CNTN4: variants seen among roughly 807,000 people sequenced by gnomAD.
CNTN4 encodes the protein contactin 4.
A neutral mutation model predicts 122.5 loss-of-function variants in CNTN4; 77 were observed. The ratio of observed to expected loss-of-function variants is 0.63; its 90% confidence interval spans 0.52 to 0.76. The LOEUF (loss-of-function observed/expected upper bound fraction) is 0.76, where lower values mean the gene tolerates loss of function less well. Among genes scored for constraint, CNTN4 ranks in the 30% least tolerant of loss-of-function variants. CNTN4 has a pLI of 0.00. For synonymous variants in CNTN4, 512 were observed against 447.0 expected (o/e 1.15, Z -1.83); for missense variants, 1,256 against 1,259.1 (o/e 1.00, Z 0.04).
Position 2,993,490 on chromosome 3 carries a change from G to C in CNTN4, c.1486+5018G>C, listed in dbSNP as rs978311204. Among the ~76,000 whole-genome samples, 11 of 151,696 alleles carry C rather than the reference G, an allele frequency of 7.3e-5. No homozygotes were observed. The East Asian group carries it at 2.1e-3, about 30-fold the overall frequency. ...TTTTTGTATTTTTTAGTAGAGACAG[G>C]GTTTCACCATGTTGGTCAAGGCTGG... On this transcript the variant is annotated intron_variant, in intron 14 of 24. Transcript: ENST00000418658.
chr3:2,621,724 A>G (rs918096411), intron 4 of CNTN4, among the ~76,000 whole-genome samples: 2 of 152,142 alleles, frequency 1.3e-5, no homozygotes, highest in Admixed American at 6.5e-5. Context: ...AACGAAATAC[A>G]ATGTATATGC....
chr3:2,526,715 A>G (rs2077409660), intron 3 of CNTN4, among the ~76,000 whole-genome samples: 1 of 152,140 alleles, frequency 6.6e-6, no homozygotes. Flanking sequence ...TAATATTTTG[A>G]TATAAAAATA....
intron 14 of CNTN4, among the ~76,000 whole-genome samples, chr3:3,017,620 C>A (rs147717689): frequency 6.6e-6 from 1 of 152,116 alleles, no homozygotes. Context: ...GGCCACCCCC[C>A]AAAAAGAGTC....
chr3:2,191,933 A>G (rs572706363), intron 2 of CNTN4, among the ~76,000 whole-genome samples: 7 of 151,442 alleles, frequency 4.6e-5, no homozygotes, highest in Admixed American at 2.0e-4. Flanking sequence ...CCTGTGTCCA[A>G]GTGTTCTCAT....
chr3:2,788,188 G>A (rs1214824669), intron 6 of CNTN4, among the ~76,000 whole-genome samples: 3 of 152,114 alleles, frequency 2.0e-5, no homozygotes, highest in Non-Finnish European at 4.4e-5. Context: ...CCATGTACCA[G>A]GCATAGTTCT....
At chr3:2,317,496 T>G (rs375170113) in intron 2 of CNTN4, among the ~76,000 whole-genome samples, 11 of 152,302 alleles carry the variant, frequency 7.2e-5, no homozygotes, top group African/African-American at 2.6e-4. Context: ...TTCCTGGATT[T>G]CGCGCTCCCT....
chr3:2,729,691 G>T (rs2088530740), intron 4 of CNTN4, among the ~76,000 whole-genome samples: 1 of 152,068 alleles, frequency 6.6e-6, no homozygotes, highest in African/African-American at 2.4e-5. Flanking sequence ...AAGGCAGGCG[G>T]ATCACAAGGT....
intron 3 of CNTN4, among the ~76,000 whole-genome samples, chr3:2,375,348 C>T (rs1452310318): frequency 1.3e-5 from 2 of 152,118 alleles, no homozygotes; most frequent in Non-Finnish European, 2.9e-5. Context: ...CCAACATTTC[C>T]CTCTCATTTC....
chr3:2,120,396 T>TAA (rs1559260985), intron 2 of CNTN4, among the ~76,000 whole-genome samples: 47 of 30,884 alleles, frequency 1.5e-3, no homozygotes, highest in Admixed American at 3.5e-3. Context: ...TATATATATA[T>TAA]ATATATATAT....
At chr3:2,607,616 A>ACACACACACACACACACACACG (rs2081314088) in intron 4 of CNTN4, among the ~76,000 whole-genome samples, 1 of 151,928 alleles carries the variant, frequency 6.6e-6, no homozygotes, top group African/African-American at 2.4e-5. Flanking sequence ...GCATCCACAC[A>ACACACACACACACACACACACG]CACACACACA....
chr3:2,298,636 A>C (rs959317828), intron 2 of CNTN4, among the ~76,000 whole-genome samples: 1 of 152,192 alleles, frequency 6.6e-6, no homozygotes, highest in Non-Finnish European at 1.5e-5. Context: ...CTAATGCCAC[A>C]TATGTGGAGG....
intron 2 of CNTN4, among the ~76,000 whole-genome samples, chr3:2,135,599 G>C (rs9829713): frequency 0.018 from 2,756 of 151,732 alleles, 103 homozygotes; most frequent in African/African-American, 0.063. Flanking sequence ...GTATTTCCGA[G>C]GCTGGTAATG....
At chr3:2,684,759 A>G (rs1029658625) in intron 4 of CNTN4, among the ~76,000 whole-genome samples, 1 of 152,200 alleles carries the variant, frequency 6.6e-6, no homozygotes, top group Non-Finnish European at 1.5e-5. Context: ...GTCTATGGTC[A>G]TATTTAAAAT....
intron 3 of CNTN4, among the ~76,000 whole-genome samples, chr3:2,503,270 A>G (rs2076643747): frequency 6.6e-6 from 1 of 152,172 alleles, no homozygotes; most frequent in South Asian, 2.1e-4. Context: ...GGATTGAGGG[A>G]TGCATAGATG....
chr3:2,440,422 G>T (rs1422935246), intron 3 of CNTN4, among the ~76,000 whole-genome samples: 1 of 152,126 alleles, frequency 6.6e-6, no homozygotes, highest in Non-Finnish European at 1.5e-5. Context: ...TTGTCATTGT[G>T]TGTCTTTGTT....
intron 2 of CNTN4, among the ~76,000 whole-genome samples, chr3:2,281,631 T>A (rs191362782): frequency 4.6e-5 from 7 of 152,230 alleles, no homozygotes; most frequent in Non-Finnish European, 1.0e-4. Context: ...CTTTTCCCAA[T>A]TCTTGACAAC....
intron 4 of CNTN4, among the ~76,000 whole-genome samples, chr3:2,721,914 T>C (rs775083379): frequency 6.6e-6 from 1 of 152,152 alleles, no homozygotes; most frequent in Non-Finnish European, 1.5e-5. Context: ...TTAGCACCCA[T>C]GTAAGAGAAG....
chr3:2,237,525 C>A (rs1231231426), intron 2 of CNTN4, among the ~76,000 whole-genome samples: 1 of 152,072 alleles, frequency 6.6e-6, no homozygotes, highest in African/African-American at 2.4e-5. Context: ...AGTGTAAAAT[C>A]TTTGAGAGTA....
intron 8 of CNTN4, among the ~76,000 whole-genome samples, chr3:2,870,509 A>G (rs1372882141): frequency 6.6e-6 from 1 of 152,238 alleles, no homozygotes; most frequent in East Asian, 1.9e-4. Flanking sequence ...CAAAATAAAG[A>G]GGACATTCTT....
Sources: gnomAD v4.1 joint callset for allele counts (sites outside exome capture counted in the v4.1 genomes callset) on GRCh38, gnomAD v4.1.1 for gene constraint, MANE v1.5 for transcripts, NCBI Gene and HGNC (gene_info 2026-07-23, HGNC 2026-07-21) for gene names.